IL1RAPL1: variants seen among roughly 807,000 people sequenced by gnomAD.
IL1RAPL1 encodes interleukin 1 receptor accessory protein like 1.
Under a neutral mutation model 48.4 loss-of-function variants are expected in IL1RAPL1, and 3 were observed. That is an observed-to-expected ratio of 0.06 (90% CI 0.03 to 0.16). IL1RAPL1 has a LOEUF of 0.16. Ranked by LOEUF, IL1RAPL1 falls within the 10% of genes least tolerant of loss-of-function variation. The pLI is 1.00. For missense variants in IL1RAPL1, 349 were observed against 530.6 expected, an observed-to-expected ratio of 0.66 and a Z score of 3.36; for synonymous variants, 185 against 187.7, an observed-to-expected ratio of 0.99 and a Z score of 0.12.
intron 9 of IL1RAPL1, among the ~76,000 whole-genome samples, chrX:29,943,707 A>AC (rs1933171962): frequency 8.9e-6 from 1 of 112,113 alleles, no homozygotes; most frequent in Non-Finnish European, 1.9e-5. Flanking sequence ...GAATCATTTT[A>AC]CCAAACTATC....
chrX:29,604,057 T>C (rs1052554877), intron 5 of IL1RAPL1, among the ~76,000 whole-genome samples: 1 of 112,431 alleles, frequency 8.9e-6, no homozygotes, highest in African/African-American at 3.2e-5. Context: ...TCACTCTTCA[T>C]TTAATTGCAG....
chrX:28,988,233 G>A (rs1190586205), intron 2 of IL1RAPL1, among the ~76,000 whole-genome samples: 1 of 111,097 alleles, frequency 9.0e-6, no homozygotes, highest in Non-Finnish European at 1.9e-5. Flanking sequence ...TACAGCTTTT[G>A]TTTTATTTGT....
chrX:29,424,362 T>C (rs771722279), intron 5 of IL1RAPL1, among the ~76,000 whole-genome samples: 2 of 103,698 alleles, frequency 1.9e-5, no homozygotes, highest in African/African-American at 3.5e-5. Flanking sequence ...TGAAAAGGAG[T>C]GGCAAGATGT....
At chrX:28,641,073 T>C (rs1934532873) in intron 1 of IL1RAPL1, among the ~76,000 whole-genome samples, 1 of 110,294 alleles carries the variant, frequency 9.1e-6, no homozygotes, top group South Asian at 4.0e-4. Context: ...TTTTTTTTTT[T>C]TTTAATTATA....
At chrX:28,768,672 G>T (rs1468276383) in intron 1 of IL1RAPL1, among the ~76,000 whole-genome samples, 2 of 98,076 alleles carry the variant, frequency 2.0e-5, no homozygotes, top group African/African-American at 7.4e-5. Flanking sequence ...AACTTACTGA[G>T]TGGGCTCTCT....
At chrX:29,295,601 G>A (rs903470721) in intron 3 of IL1RAPL1, among the ~76,000 whole-genome samples, 1 of 111,585 alleles carries the variant, frequency 9.0e-6, no homozygotes, top group Admixed American at 9.5e-5. Context: ...TAGAAATAAC[G>A]GTGGCTTAAA....
At chrX:28,886,906 C>T (rs761115518) in intron 2 of IL1RAPL1, among the ~76,000 whole-genome samples, 1 of 111,455 alleles carries the variant, frequency 9.0e-6, no homozygotes, top group East Asian at 2.8e-4. Context: ...AATAACAAAG[C>T]TCATGGGACA....
At chrX:29,614,268 C>T (rs1924205679) in intron 5 of IL1RAPL1, among the ~76,000 whole-genome samples, 1 of 111,686 alleles carries the variant, frequency 9.0e-6, no homozygotes, top group Non-Finnish European at 1.9e-5. Context: ...GTCAGATTCT[C>T]AAGGTAATAG....
At chrX:29,466,766 T>G (rs1017391752) in intron 5 of IL1RAPL1, among the ~76,000 whole-genome samples, 1 of 112,109 alleles carries the variant, frequency 8.9e-6, no homozygotes, top group African/African-American at 3.2e-5. Flanking sequence ...AATGCTTGCA[T>G]TTCTGAAGCT....
intron 1 of IL1RAPL1, among the ~76,000 whole-genome samples, chrX:28,598,103 ATTTCAAAATGG>A (rs1350937262): frequency 2.7e-5 from 3 of 112,457 alleles, no homozygotes; most frequent in Non-Finnish European, 5.6e-5. Flanking sequence ...GGAAATATAG[ATTTCAAAATGG>A]TTTTATAGTA....
chrX:29,867,345 G>T (rs1438803419), intron 6 of IL1RAPL1, among the ~76,000 whole-genome samples: 1 of 111,542 alleles, frequency 9.0e-6, no homozygotes, highest in Non-Finnish European at 1.9e-5. Context: ...TAGTGTGATG[G>T]TATTAAGAAA....
intron 5 of IL1RAPL1, among the ~76,000 whole-genome samples, chrX:29,604,448 TA>T (rs1844659244): frequency 8.9e-6 from 1 of 111,752 alleles, no homozygotes; most frequent in Admixed American, 9.5e-5. Flanking sequence ...TTTATTTATT[TA>T]TTTTTTTGAG....
intron 2 of IL1RAPL1, among the ~76,000 whole-genome samples, chrX:28,830,629 A>G (rs963398340): frequency 6.3e-5 from 7 of 111,468 alleles, no homozygotes; most frequent in Non-Finnish European, 1.3e-4. Context: ...AAGTCTGTCT[A>G]GTAGGTTCAG....
At chrX:29,387,584 G>C (rs1654384322) in intron 3 of IL1RAPL1, among the ~76,000 whole-genome samples, 1 of 112,345 alleles carries the variant, frequency 8.9e-6, no homozygotes, top group Non-Finnish European at 1.9e-5. Context: ...GAAATAAGAA[G>C]ATCATCAGGT....
At chrX:29,747,904 C>T (rs1449111014) in intron 6 of IL1RAPL1, among the ~76,000 whole-genome samples, 1 of 112,053 alleles carries the variant, frequency 8.9e-6, no homozygotes, top group Non-Finnish European at 1.9e-5. Flanking sequence ...GCCATTTCAA[C>T]GCTAGTACTA....
At chrX:29,750,674 T>A (rs1313314981) in intron 6 of IL1RAPL1, among the ~76,000 whole-genome samples, 1 of 111,816 alleles carries the variant, frequency 8.9e-6, no homozygotes, top group African/African-American at 3.2e-5. Context: ...TAATTAAAGT[T>A]CATTTTTGTG....
At chrX:28,685,692 G>A (rs1043289220) in intron 1 of IL1RAPL1, among the ~76,000 whole-genome samples, 2 of 111,487 alleles carry the variant, frequency 1.8e-5, no homozygotes, top group African/African-American at 6.5e-5. Flanking sequence ...AGGAGATGAC[G>A]GTGCATCTTT....
chrX:29,683,431 G>A (rs1023451457), intron 6 of IL1RAPL1, among the ~76,000 whole-genome samples: 5 of 112,281 alleles, frequency 4.5e-5, no homozygotes, highest in Admixed American at 2.8e-4. Flanking sequence ...AGTAGGTACA[G>A]CTTTCCTTGA....
intron 2 of IL1RAPL1, among the ~76,000 whole-genome samples, chrX:28,795,606 T>C (rs1936601673): frequency 1.8e-5 from 2 of 111,500 alleles, no homozygotes; most frequent in Non-Finnish European, 3.8e-5. Context: ...ATCCAACTTA[T>C]TAACTTGGAA....
Sources: gnomAD v4.1 joint callset for allele counts (sites outside exome capture counted in the v4.1 genomes callset) on GRCh38, gnomAD v4.1.1 for gene constraint, MANE v1.5 for transcripts, NCBI Gene and HGNC (gene_info 2026-07-23, HGNC 2026-07-21) for gene names.